Variants in PKD1 observed in about 807,000 individuals in gnomAD.
The protein encoded by PKD1 is polycystin-1.
A neutral mutation model predicts 361.7 loss-of-function variants in PKD1; 81 were observed. That is an observed-to-expected ratio of 0.22 (90% CI 0.19 to 0.27). The LOEUF (loss-of-function observed/expected upper bound fraction) is 0.27, where lower values mean the gene tolerates loss of function less well. Ranked by LOEUF, PKD1 falls within the 10% of genes least tolerant of loss-of-function variation. The pLI is 1.00. For missense variants in PKD1, 6,399 were observed against 6,118.3 expected (o/e 1.05, Z -1.53); for synonymous variants, 3,615 against 2,818.3 (o/e 1.28, Z -8.95).
chr16:2,104,715 T>C, intron 21 of PKD1, 73 bp from the exon 22 acceptor site: 2 of 841,582 alleles, frequency 2.4e-6, no homozygotes, highest in Non-Finnish European at 3.8e-6. Context: ...TCTACACGGG[T>C]CCTCACCTGG....
rs773550861 is a variant in PKD1 at position 2,114,608 on chromosome 16, G to A, written c.2415C>T (p.Gly805=). 22 of 1,584,802 alleles carry A rather than the reference G, an allele frequency of 1.4e-5. No individual in the cohort carries two copies. Among genetic ancestry groups the A allele is most frequent in the Admixed American group, 1.7e-5 (1 of 58,506 alleles). Residue 805 remains glycine, a synonymous_variant, in exon 11 of 46, where the codon GGC becomes GGT. Transcript: ENST00000262304. ...RYEVRAEVGN[G]VSRHNLSCSF... is the part of the protein sequence containing the mutation. Reference sequence around the variant, plus strand: ...TGCAGGAGAGGTTGTGCCTGGACACGCCATTGCCCACCTCTGCCCGGACCT... The same window carrying A: ...TGCAGGAGAGGTTGTGCCTGGACACACCATTGCCCACCTCTGCCCGGACCT...
At position 2,109,618 on chromosome 16, in the gene PKD1, G is replaced by A. The variant is rs1249626750; in HGVS notation, c.5549C>T (p.Pro1850Leu). Residue 1850 changes from proline to leucine, a missense_variant, in exon 15 of 46, where the codon CCT (proline) becomes CTT (leucine). By Grantham distance (98) the Pro-to-Leu change is moderately conservative. Coordinates refer to ENST00000262304, the MANE Select transcript of PKD1 (RefSeq NM_001009944.3). ...AVPGGSSKRG[P>L]HVTMVFPDAG... ...ATCCGGGAAGACCATGGTGACATGA[G>A]GGCCACGCTTGCTGCTGCCGCCGGG... The A allele has an allele frequency of 3.1e-6, 5 of 1,608,652 alleles. No individual in the cohort carries two copies. The highest frequency in any genetic ancestry group is 2.7e-5 in the African/African-American group (2 of 74,866).
intron 20 of PKD1, 93 bp from the exon 21 acceptor site, chr16:2,105,567 T>C: frequency 1.9e-6 from 3 of 1,594,102 alleles, no homozygotes; most frequent in South Asian, 2.2e-5. Context: ...TGCAGTTACG[T>C]GCTAGACGCT....
In PKD1 at chr16:2,106,492, C is replaced by T; in HGVS notation, c.7395G>A (p.Leu2465=). 1 of 1,594,494 alleles carries T rather than the reference C, an allele frequency of 6.3e-7. No homozygotes were observed. The highest frequency in any genetic ancestry group is 8.5e-7 in the Non-Finnish European group (1 of 1,177,960). The change falls in exon 18 of 46, where the codon CTG becomes CTA. Residue 2465 remains leucine, a synonymous_variant. Transcript: ENST00000262304. This position sits in a 1 kb window ranked among gnomAD's most constrained non-coding sequence, Gnocchi z 6.5. ...GEEEGCASIR[L]SPNRPPLGGS... is the part of the protein sequence containing the mutation. ...CCCCCAGCGGCGGGCGGTTGGGGGA[C>T]AGGCGGATGGAGGCGCAGCCCTCCT...
intron 1 of PKD1, among the ~76,000 whole-genome samples, chr16:2,128,452 CCT>C (rs1356412361): frequency 2.0e-5 from 3 of 151,924 alleles, no homozygotes; most frequent in Non-Finnish European, 2.9e-5. Flanking sequence ...GCCACTGCCA[CCT>C]CTGTCTGTCT....
rs762850752 is a variant in PKD1 at position 2,097,247 on chromosome 16, G to T, written c.10406-6C>A. 4.4e-6 allele frequency: 7 copies of T among 1,593,030 alleles called. No individual in the cohort carries two copies. The highest frequency in any genetic ancestry group is 6.0e-6 in the Non-Finnish European group (7 of 1,169,976). ...CTGCTGGATCAGGTCTTCATCTAGA[G>T]GTACAGGAGGCATAGGGTGGGCCCA... On this transcript the variant is annotated splice_polypyrimidine_tract_variant and splice_region_variant and intron_variant, in intron 33 of 45. Transcript: ENST00000262304.
Position 2,105,458 on chromosome 16 carries a change from T to G in PKD1, c.7880A>C (p.Asp2627Ala), listed in dbSNP as rs769518746. Residue 2627 changes from aspartate to alanine, a missense_variant, in exon 21 of 46, where the codon GAC (aspartate) becomes GCC (alanine). Coordinates refer to ENST00000262304, the MANE Select transcript of PKD1 (RefSeq NM_001009944.3). Reference sequence around the variant, plus strand: ...CTCGTGCTTGGGCTCTGCCGCCACGTCCAGGGCCCGCTCGTACTGGGGCAG... The same window carrying G: ...CTCGTGCTTGGGCTCTGCCGCCACGGCCAGGGCCCGCTCGTACTGGGGCAG... ...TVLNEYERAL[D>A]VAAEPKHERQ... The G allele has an allele frequency of 2.6e-5, 41 of 1,594,532 alleles. No homozygotes were observed. The highest frequency in any genetic ancestry group is 2.4e-5 in the Non-Finnish European group (28 of 1,178,682).
chr16:2,093,379 G>C (rs1025147612), intron 37 of PKD1, 165 bp downstream of exon 37: 2 of 735,638 alleles, frequency 2.7e-6, no homozygotes, highest in Admixed American at 2.6e-5. Context: ...GGCAGCAAGT[G>C]GGGGGCGTGG....
In PKD1 at chr16:2,114,317, G is replaced by A. The variant is rs1258871237; in HGVS notation, c.2706C>T (p.Leu902=). The change falls in exon 11 of 46, where the codon CTC becomes CTT. Residue 902 remains leucine, a synonymous_variant. Transcript: ENST00000262304. ...TLFSVVALPW[L]SEGEHVVDVV... is the part of the protein sequence containing the mutation. ...CGTCCACCACGTGCTCCCCCTCACT[G>A]AGCCACGGCAGTGCTACCACTGAGA... 1.2e-5 allele frequency: 20 copies of A among 1,610,540 alleles called. No homozygotes were observed. The highest frequency in any genetic ancestry group is 1.6e-5 in the Non-Finnish European group (19 of 1,179,694).
Position 2,102,182 on chromosome 16 carries a change from G to A in PKD1, c.9276C>T (p.Ala3092=), listed in dbSNP as rs1286237384. The A allele has an allele frequency of 2.0e-5, 30 of 1,529,888 alleles. No individual in the cohort carries two copies. Among genetic ancestry groups the A allele is most frequent in the Middle Eastern group, 2.3e-4 (1 of 4,280 alleles). 94.8% of individuals were successfully genotyped at this position (1,529,888 alleles called of 1,614,324 possible). ...ACTGGTCCAGCTTGTGCAGGATGGC[G>A]GCCATGACCATGTAGGTCACCAGGC... ...AVCLVTYMVM[A]AILHKLDQLD... is the part of the protein sequence containing the mutation. The change falls in exon 26 of 46, where the codon GCC becomes GCT. Residue 3092 remains alanine, a synonymous_variant. Coordinates refer to ENST00000262304, the MANE Select transcript of PKD1 (RefSeq NM_001009944.3).
chr16:2,096,473 T>C (rs188833373), intron 34 of PKD1, among the ~76,000 whole-genome samples: 16 of 152,258 alleles, frequency 1.1e-4, no homozygotes, highest in Admixed American at 2.0e-4. Context: ...GTAACCTCTA[T>C]ATGACCATTT....
intron 30 of PKD1, 25 bp from the exon 31 acceptor site, chr16:2,098,009 C>A (rs150399422): frequency 1.5e-6 from 2 of 1,372,592 alleles, no homozygotes; most frequent in Non-Finnish European, 2.1e-6. Context: ...CAGTGGTCAG[C>A]GGGCGGCAGC....
intron 1 of PKD1, among the ~76,000 whole-genome samples, chr16:2,132,101 T>C (rs958483871): frequency 1.3e-5 from 2 of 150,424 alleles, no homozygotes; most frequent in Non-Finnish European, 3.0e-5. Flanking sequence ...AAATACAAAA[T>C]TAGCCAGGCA....
intron 15 of PKD1, 95 bp from the exon 16 acceptor site, chr16:2,108,127 C>G: frequency 6.6e-7 from 1 of 1,505,256 alleles, no homozygotes; most frequent in South Asian, 1.1e-5. Flanking sequence ...GACCCCCTCC[C>G]CATGCTGGGA....
In PKD1 at chr16:2,110,531, G is replaced by T; in HGVS notation, c.4636C>A (p.Arg1546=). 1 of 1,611,534 alleles carries T rather than the reference G, an allele frequency of 6.2e-7. No individual in the cohort carries two copies. The highest frequency in any genetic ancestry group is 8.5e-7 in the Non-Finnish European group (1 of 1,179,782). ...SEAWLNVTVK[R]RVRGLVVNAS... ...TTGACGACGAGCCCCCGCACGCGCC[G>T]CTTCACCGTCACATTGAGCCAGGCC... The change falls in exon 15 of 46, where the codon CGG becomes AGG. Residue 1546 remains arginine (R), a synonymous_variant. Coordinates refer to ENST00000262304, the MANE Select transcript of PKD1 (RefSeq NM_001009944.3).
Position 2,093,897 on chromosome 16 carries a change from T to G in PKD1, c.10735A>C (p.Ser3579Arg). 6.3e-7 allele frequency: 1 copy of G among 1,578,430 alleles called. No homozygotes were observed. The highest frequency in any genetic ancestry group is 8.6e-7 in the Non-Finnish European group (1 of 1,167,614). ...AVAVSGWVGA[S>R]FPPGVSVAWL... ...GCAACACTCACGCCCGGGGGGAAGC[T>G]CGCACCCACCCACCCTGAGACAGCC... Residue 3579 changes from serine (S) to arginine (R), a missense_variant, in exon 36 of 46, where the codon AGC (serine) becomes CGC (arginine). Transcript: ENST00000262304.
chr16:2,106,807 C>G lies in PKD1; in HGVS notation c.7207G>C (p.Gly2403Arg). Residue 2403 changes from glycine to arginine, a missense_variant and splice_region_variant, in exon 17 of 46, where the codon GGG (glycine) becomes CGG (arginine). Transcript: ENST00000262304. This position sits in a 1 kb window ranked among gnomAD's most constrained non-coding sequence, Gnocchi z 6.5. ...CCCACACCCCGCTCAACACTCACCC[C>G]TCGCTTGGAGCCGCTGCTGCAATTG... Reference protein sequence around the residue: ...CLNCSSGSKRGRWAARTFSNK... With the variant: ...CLNCSSGSKRRRWAARTFSNK... The G allele has an allele frequency of 1.3e-6, 2 of 1,551,318 alleles. No individual in the cohort carries two copies. The highest frequency in any genetic ancestry group is 8.7e-7 in the Non-Finnish European group (1 of 1,143,026).
At position 2,089,431 on chromosome 16, in the gene PKD1, G is replaced by A. The variant is rs896198372; in HGVS notation, c.*296C>T. 4.6e-5 allele frequency: 22 copies of A among 482,800 alleles called. No individual in the cohort carries two copies. Among genetic ancestry groups the A allele is most frequent in the Admixed American group, 1.4e-4 (4 of 28,088 alleles). 29.9% of individuals were successfully genotyped at this position (482,800 alleles called of 1,614,324 possible). ...GGACATCTGCCCAGGGGGTGGGGCC[G>A]GGCACAGCCCGCTGTACCTGAGGAC... On this transcript the variant is annotated 3_prime_UTR_variant, in exon 46 of 46. Coordinates refer to ENST00000262304, the MANE Select transcript of PKD1 (RefSeq NM_001009944.3).
intron 1 of PKD1, chr16:2,123,614 G>A (rs1414356653): frequency 5.1e-5 from 22 of 431,764 alleles, no homozygotes; most frequent in Admixed American, 2.2e-4. Flanking sequence ...CATCATCGCC[G>A]CTGTCTGATG....
Sources: allele counts gnomAD v4.1 joint callset (sites outside exome capture counted in the v4.1 genomes callset), GRCh38; gene constraint gnomAD v4.1.1; non-coding constraint Gnocchi (gnomAD v3.1); transcripts MANE v1.5; gene names NCBI Gene and HGNC (gene_info 2026-07-23, HGNC 2026-07-21).